Variants in UBXN2B observed in about 807,000 individuals in gnomAD.
UBXN2B encodes UBX domain protein 2B.
UBXN2B carries 19 observed loss-of-function variants against 37.5 expected under a neutral mutation model. That is an observed-to-expected ratio of 0.51 (90% CI 0.35 to 0.74). The LOEUF is 0.74. Among genes scored for constraint, UBXN2B ranks in the 30% least tolerant of loss-of-function variants. The pLI, the probability that UBXN2B is intolerant of heterozygous loss-of-function variation, is 0.01. For missense variants in UBXN2B, 370 were observed against 393.2 expected, an observed-to-expected ratio of 0.94 and a Z score of 0.50; for synonymous variants, 145 against 143.8, an observed-to-expected ratio of 1.01 and a Z score of -0.06.
At chr8:58,414,816 C>T (rs1807730378) in intron 1 of UBXN2B, among the ~76,000 whole-genome samples, 1 of 152,014 alleles carries the variant, frequency 6.6e-6, no homozygotes, top group South Asian at 2.1e-4. Context: ...TATCATTTTC[C>T]TCATATTCCT....
At chr8:58,440,976 G>A (rs551946312) in intron 6 of UBXN2B, among the ~76,000 whole-genome samples, 1 of 150,764 alleles carries the variant, frequency 6.6e-6, no homozygotes, top group Non-Finnish European at 1.5e-5. Flanking sequence ...CTCTTTACAC[G>A]TCAGGCTTCT....
intron 2 of UBXN2B, chr8:58,424,516 C>T (rs780629487): frequency 2.6e-5 from 19 of 743,182 alleles, no homozygotes; most frequent in African/African-American, 3.6e-5. Flanking sequence ...AACTTTCTTG[C>T]GAAAGTTTGA....
At chr8:58,425,206 C>T in intron 2 of UBXN2B, 1 of 997,152 alleles carries the variant, frequency 1.0e-6, no homozygotes, top group South Asian at 1.3e-5. Context: ...GGTGCTTTCT[C>T]TGATATTCCT....
At chr8:58,419,333 G>A (rs1459324531) in intron 2 of UBXN2B, among the ~76,000 whole-genome samples, 1 of 152,098 alleles carries the variant, frequency 6.6e-6, no homozygotes, top group Non-Finnish European at 1.5e-5. Context: ...AGAAAACAGT[G>A]CTTATTTTCA....
chr8:58,425,424 G>C, intron 2 of UBXN2B: 1 of 1,138,196 alleles, frequency 8.8e-7, no homozygotes, highest in Non-Finnish European at 1.3e-6. Context: ...TGTTACACTT[G>C]GTTTCAAATT....
At chr8:58,416,817 G>A (rs1340150527) in intron 1 of UBXN2B, 33 bp from the exon 2 acceptor site, 2 of 1,588,826 alleles carry the variant, frequency 1.3e-6, no homozygotes, top group East Asian at 4.5e-5. Flanking sequence ...TATTCCTAGT[G>A]TTATACTTTG....
chr8:58,422,506 G>GC (rs1338787408), intron 2 of UBXN2B, among the ~76,000 whole-genome samples: 1 of 152,202 alleles, frequency 6.6e-6, no homozygotes, highest in Non-Finnish European at 1.5e-5. Context: ...AACATATAAG[G>GC]CGAAGAGGGA....
Position 58,451,211 on chromosome 8 carries a change from C to T in UBXN2B, c.*3660C>T, listed in dbSNP as rs1747474985. On this transcript the variant is annotated 3_prime_UTR_variant, in exon 8 of 8. Coordinates refer to ENST00000399598, the MANE Select transcript of UBXN2B (RefSeq NM_001077619.2). Reference sequence around the variant, plus strand: ...ATAGATGCACATACAAAAACAACTGCCATTTTTGTATATAATAGTCTTCCA... The same window carrying T: ...ATAGATGCACATACAAAAACAACTGTCATTTTTGTATATAATAGTCTTCCA... 6.6e-6 allele frequency: 1 copy of T among 152,282 alleles called. No homozygotes were observed. The highest frequency in any genetic ancestry group is 6.6e-5 in the Admixed American group (1 of 15,252). 9.4% of individuals were successfully genotyped at this position (152,282 alleles called of 1,614,324 possible).
intron 5 of UBXN2B, among the ~76,000 whole-genome samples, chr8:58,436,583 T>G (rs1585614056): frequency 6.6e-6 from 1 of 152,190 alleles, no homozygotes. Flanking sequence ...AAATGTGACC[T>G]CCACTGTTGG....
chr8:58,449,655 CCAAT>C lies in UBXN2B; in HGVS notation c.*2109_*2112del, dbSNP rs1029824612. On this transcript the variant is annotated 3_prime_UTR_variant, in exon 8 of 8. Transcript: ENST00000399598. The stretch of plus-strand genomic sequence containing the variant: ...CAGATGGAAAAAGGAGCCATCAGCA[CCAAT>C]CAATTTACAAAACCAGCGAGGCACC... The C allele has an allele frequency of 3.3e-5, 5 of 152,208 alleles. No individual in the cohort carries two copies. Among genetic ancestry groups the C allele is most frequent in the African/African-American group, 1.2e-4 (5 of 41,434 alleles). 9.4% of individuals were successfully genotyped at this position (152,208 alleles called of 1,614,324 possible).
At position 58,449,237 on chromosome 8, in the gene UBXN2B, T is replaced by C. The variant is rs1291134128; in HGVS notation, c.*1686T>C. The C allele has an allele frequency of 6.6e-6, 1 of 152,240 alleles. No homozygotes were observed. Among genetic ancestry groups the C allele is most frequent in the Non-Finnish European group, 1.5e-5 (1 of 68,034 alleles). The allele number at this position is 152,240 out of a possible 1,614,324, so 9.4% of individuals were successfully genotyped here. On this transcript the variant is annotated 3_prime_UTR_variant, in exon 8 of 8. Transcript: ENST00000399598. ...ATCTCTTTTACCATCTAAGGTTACA[T>C]ACAGGTTTGGAGATTAGGACATTAA...
At position 58,451,329 on chromosome 8, in the gene UBXN2B, CA is replaced by C. The variant is rs749740408; in HGVS notation, c.*3779del. 6.6e-6 allele frequency: 1 copy of C among 152,128 alleles called. No individual in the cohort carries two copies. Among genetic ancestry groups the C allele is most frequent in the Non-Finnish European group, 1.5e-5 (1 of 68,022 alleles). The allele number at this position is 152,128 out of a possible 1,614,324, so 9.4% of individuals were successfully genotyped here. On this transcript the variant is annotated 3_prime_UTR_variant, in exon 8 of 8. Coordinates refer to ENST00000399598, the MANE Select transcript of UBXN2B (RefSeq NM_001077619.2). ...TGTAGTGTTTTGCTTCATTGAGAGT[CA>C]TTTTCATGAATTATTTTTACTACTG... is the stretch of plus-strand genomic sequence containing the variant.
chr8:58,420,011 T>C (rs1807885923), intron 2 of UBXN2B, among the ~76,000 whole-genome samples: 1 of 152,248 alleles, frequency 6.6e-6, no homozygotes, highest in Non-Finnish European at 1.5e-5. Flanking sequence ...CAGTTGCGGA[T>C]ACAGCCTTGA....
At chr8:58,420,648 G>T (rs1185473581) in intron 2 of UBXN2B, among the ~76,000 whole-genome samples, 7 of 152,092 alleles carry the variant, frequency 4.6e-5, no homozygotes, top group African/African-American at 1.4e-4. Flanking sequence ...TTACAATTAG[G>T]TCACAAATAA....
At chr8:58,419,513 G>A (rs1270376308) in intron 2 of UBXN2B, among the ~76,000 whole-genome samples, 1 of 152,172 alleles carries the variant, frequency 6.6e-6, no homozygotes, top group African/African-American at 2.4e-5. Context: ...ATAGTCTGAT[G>A]CCTGTTTTGA....
chr8:58,447,701 T>C lies in UBXN2B; in HGVS notation c.*150T>C. The C allele has an allele frequency of 2.9e-6, 2 of 701,464 alleles. No homozygotes were observed. Among genetic ancestry groups the C allele is most frequent in the South Asian group, 7.6e-5 (2 of 26,256 alleles). 43.5% of individuals were successfully genotyped at this position (701,464 alleles called of 1,614,324 possible). A position where few individuals can be genotyped will look rare whatever the true frequency, so the allele number is the denominator to read the frequency against. On this transcript the variant is annotated 3_prime_UTR_variant, in exon 8 of 8. Transcript: ENST00000399598. ...TTGTTATTCTGTCTTCCAATCTGAATATAGACAAATTTGGATTAGGAATAG... is the reference window on the plus strand; with the variant it reads ...TTGTTATTCTGTCTTCCAATCTGAACATAGACAAATTTGGATTAGGAATAG...
At chr8:58,439,476 A>G (rs1451038262) in intron 5 of UBXN2B, among the ~76,000 whole-genome samples, 157 bp from the exon 6 acceptor site, 1 of 152,254 alleles carries the variant, frequency 6.6e-6, no homozygotes, top group Non-Finnish European at 1.5e-5. Flanking sequence ...AAAAAGATCT[A>G]CAAGGACTGA....
chr8:58,413,084 T>C (rs1807680273), intron 1 of UBXN2B, among the ~76,000 whole-genome samples: 1 of 152,224 alleles, frequency 6.6e-6, no homozygotes, highest in African/African-American at 2.4e-5. Flanking sequence ...CTTAATCCAG[T>C]GGATCAAAGT....
At chr8:58,429,544 G>C (rs1051949038) in intron 2 of UBXN2B, among the ~76,000 whole-genome samples, 1 of 152,172 alleles carries the variant, frequency 6.6e-6, no homozygotes, top group Non-Finnish European at 1.5e-5. Context: ...GTGTCTCCTT[G>C]TTCTCCATCC....
Sources: gnomAD v4.1 joint callset for allele counts (sites outside exome capture counted in the v4.1 genomes callset) on GRCh38, gnomAD v4.1.1 for gene constraint, MANE v1.5 for transcripts, NCBI Gene and HGNC (gene_info 2026-07-23, HGNC 2026-07-21) for gene names.